The following GRIK4 variants were observed in gnomAD, a reference collection of about 807,000 sequenced individuals.
The protein encoded by GRIK4 is glutamate receptor ionotropic, kainate 4.
In GRIK4, 40 loss-of-function variants were observed where a neutral mutation model predicts 104.9. The observed-to-expected ratio is 0.38, with a 90% CI of 0.30 to 0.50. The LOEUF (loss-of-function observed/expected upper bound fraction) is 0.50. GRIK4 is among the 20% of genes least tolerant of loss of function. The pLI is 0.93. For synonymous variants in GRIK4, 485 were observed against 524.9 expected (o/e 0.92, Z 1.04); for missense variants, 1,047 against 1,308.1 (o/e 0.80, Z 3.08).
intron 4 of GRIK4, among the ~76,000 whole-genome samples, chr11:120,805,615 T>TA (rs1367636435): frequency 6.6e-6 from 1 of 152,202 alleles, no homozygotes; most frequent in African/African-American, 2.4e-5. Flanking sequence ...TAGCATTTGT[T>TA]AGGAAAGGGG....
In GRIK4 at chr11:120,762,511, T is replaced by C. The variant is rs562018139; in HGVS notation, c.83-40182T>C. ...GGAGTGGTGAGAGAGGGCATCCTTGTCTTGTGCTGGTTTTCAAAGGGAATG... is the reference window on the plus strand; with the variant it reads ...GGAGTGGTGAGAGAGGGCATCCTTGCCTTGTGCTGGTTTTCAAAGGGAATG... On this transcript the variant is annotated intron_variant, in intron 3 of 20. Coordinates refer to ENST00000527524, the MANE Select transcript of GRIK4 (RefSeq NM_014619.5). Among the ~76,000 whole-genome samples, 22 of 152,344 alleles carry C rather than the reference T, an allele frequency of 1.4e-4. No individual in the cohort carries two copies. The East Asian group carries it at 1.5e-3, about 11-fold the overall frequency.
chr11:120,525,990 A>G (rs1258717454), intron 1 of GRIK4, among the ~76,000 whole-genome samples: 1 of 152,194 alleles, frequency 6.6e-6, no homozygotes, highest in Non-Finnish European at 1.5e-5. Flanking sequence ...AGGGCTTCTT[A>G]AGTCTGAAGG....
chr11:120,751,785 C>T (rs559993337), intron 3 of GRIK4, among the ~76,000 whole-genome samples: 31 of 152,324 alleles, frequency 2.0e-4, no homozygotes, highest in Middle Eastern at 3.4e-3. Flanking sequence ...GCTGGGCTTC[C>T]GGGCTGGCTC....
chr11:120,953,674 A>G lies in GRIK4; in HGVS notation c.1700+710A>G, dbSNP rs1353509360. ...CAGGGGCTGCCCTGGCCCTTTGGAAAAACCTGAGGAGCAGCCTGAGGCTGT... is the reference window on the plus strand; with the variant it reads ...CAGGGGCTGCCCTGGCCCTTTGGAAGAACCTGAGGAGCAGCCTGAGGCTGT... On this transcript the variant is annotated intron_variant, in intron 15 of 20. Coordinates refer to ENST00000527524, the MANE Select transcript of GRIK4 (RefSeq NM_014619.5). The surrounding 1 kb of genome is among the most constrained non-coding windows in gnomAD (Gnocchi z 4.9). Among the ~76,000 whole-genome samples, 1 of 152,172 alleles carries G rather than the reference A, an allele frequency of 6.6e-6. No individual in the cohort carries two copies. The highest frequency in any genetic ancestry group is 1.5e-5 in the Non-Finnish European group (1 of 68,020).
intron 3 of GRIK4, among the ~76,000 whole-genome samples, chr11:120,791,494 T>C (rs554168045): frequency 2.0e-5 from 3 of 152,232 alleles, no homozygotes; most frequent in Non-Finnish European, 2.9e-5. Flanking sequence ...GTTCTTTACA[T>C]ATTCTGGATA....
intron 1 of GRIK4, among the ~76,000 whole-genome samples, chr11:120,569,445 A>G (rs1226583908): frequency 1.3e-5 from 2 of 152,240 alleles, no homozygotes; most frequent in Non-Finnish European, 2.9e-5. Context: ...TGGAACAGAT[A>G]CTATCATCCC....
chr11:120,927,391 AC>A (rs5795251), intron 13 of GRIK4, among the ~76,000 whole-genome samples: 105,300 of 151,748 alleles, frequency 0.69, 40,237 homozygotes, highest in East Asian at 0.99. Context: ...ACATGGCAAA[AC>A]CCCATCTCTA....
intron 1 of GRIK4, among the ~76,000 whole-genome samples, chr11:120,622,324 C>T (rs1949200036): frequency 6.6e-6 from 1 of 152,184 alleles, no homozygotes; most frequent in South Asian, 2.1e-4. Flanking sequence ...CAGACACAGA[C>T]AGGAGGCTTA....
chr11:120,652,062 C>T (rs1215641447), intron 1 of GRIK4, among the ~76,000 whole-genome samples: 2 of 152,192 alleles, frequency 1.3e-5, no homozygotes, highest in Non-Finnish European at 2.9e-5. Context: ...AGTTACACAA[C>T]CTCTCCGCCT....
Position 120,800,997 on chromosome 11 carries a change from T to G in GRIK4, c.83-1696T>G, listed in dbSNP as rs191040026. Among the ~76,000 whole-genome samples the G allele has an allele frequency of 3.3e-5, 5 of 152,336 alleles. No homozygotes were observed. In the East Asian group the frequency reaches 9.6e-4, roughly 29 times the overall value. On this transcript the variant is annotated intron_variant, in intron 3 of 20. Coordinates refer to ENST00000527524, the MANE Select transcript of GRIK4 (RefSeq NM_014619.5). The stretch of plus-strand genomic sequence containing the variant: ...TTTAAGTATATAATTCAGTGGTTTC[T>G]TTTTGTATATTCACAGAGTAGCACA...
intron 3 of GRIK4, among the ~76,000 whole-genome samples, chr11:120,692,857 G>C (rs1224934198): frequency 5.3e-5 from 8 of 152,068 alleles, no homozygotes; most frequent in Admixed American, 5.2e-4. Flanking sequence ...TCGGCCTCCT[G>C]AGTAGCTGGG....
In GRIK4 at chr11:120,862,111, T is replaced by C; in HGVS notation, c.897T>C (p.Thr299=). 2 of 1,613,800 alleles carry C rather than the reference T, an allele frequency of 1.2e-6. No individual in the cohort carries two copies. The highest frequency in any genetic ancestry group is 1.7e-4 in the Middle Eastern group (1 of 5,876). Residue 299 remains threonine (T), a synonymous_variant, in exon 9 of 21, where the codon ACT becomes ACC. Coordinates refer to ENST00000527524, the MANE Select transcript of GRIK4 (RefSeq NM_014619.5). ...AGAACTGTGACCATGTGCCCTTCAC[T>C]GGGCCTGCGGTAAGTACCCGCCAGA... ...WQENCDHVPF[T]GPALSSALLF... is the part of the protein sequence containing the mutation.
intron 1 of GRIK4, among the ~76,000 whole-genome samples, chr11:120,522,175 T>C (rs1337927044): frequency 6.6e-6 from 1 of 152,208 alleles, no homozygotes; most frequent in Non-Finnish European, 1.5e-5. Context: ...ATCGCTGAGT[T>C]GGGCAGCTGT....
At chr11:120,683,771 G>T (rs547240397) in intron 3 of GRIK4, among the ~76,000 whole-genome samples, 3 of 152,356 alleles carry the variant, frequency 2.0e-5, no homozygotes, top group Non-Finnish European at 4.4e-5. Flanking sequence ...AGAGTGGAAA[G>T]CTGTGAAGTT....
chr11:120,516,661 C>T (rs901903215), intron 1 of GRIK4, among the ~76,000 whole-genome samples: 3 of 151,834 alleles, frequency 2.0e-5, no homozygotes, highest in Non-Finnish European at 4.4e-5. Flanking sequence ...GACAGTGAGG[C>T]GAAAGGGGGG....
rs1232839460 is a variant in GRIK4, at chr11:120,607,758, C to T, written c.-158-45927C>T. ...CCAAAGCCACGGGCCCAGATTGTGTCACTTATAGTCACTTAAGAAGAGCAG... is the reference window on the plus strand; with the variant it reads ...CCAAAGCCACGGGCCCAGATTGTGTTACTTATAGTCACTTAAGAAGAGCAG... On this transcript the variant is annotated intron_variant, in intron 1 of 20. Coordinates refer to ENST00000527524, the MANE Select transcript of GRIK4 (RefSeq NM_014619.5). Among the ~76,000 whole-genome samples the T allele has an allele frequency of 3.9e-5, 6 of 151,986 alleles. No individual in the cohort carries two copies. In the East Asian group the frequency reaches 1.2e-3, roughly 29 times the overall value.
intron 13 of GRIK4, among the ~76,000 whole-genome samples, chr11:120,910,939 A>G (rs1942976806): frequency 6.6e-6 from 1 of 152,224 alleles, no homozygotes; most frequent in African/African-American, 2.4e-5. Flanking sequence ...AGAGAAGAAC[A>G]TGCCAGTGAG....
chr11:120,634,433 C>G (rs1198034139), intron 1 of GRIK4, among the ~76,000 whole-genome samples: 2 of 152,104 alleles, frequency 1.3e-5, no homozygotes, highest in Non-Finnish European at 2.9e-5. Context: ...TGCCATTTCC[C>G]AGGTTGAAAG....
chr11:120,784,694 C>T (rs1347212926), intron 3 of GRIK4, among the ~76,000 whole-genome samples: 1 of 152,002 alleles, frequency 6.6e-6, no homozygotes, highest in African/African-American at 2.4e-5. Context: ...GATGTTTGCC[C>T]AGGGGTGAGT....
Sources: gnomAD v4.1 joint callset for allele counts (sites outside exome capture counted in the v4.1 genomes callset) on GRCh38, gnomAD v4.1.1 for gene constraint, Gnocchi (gnomAD v3.1) non-coding constraint, MANE v1.5 for transcripts, NCBI Gene and HGNC (gene_info 2026-07-23, HGNC 2026-07-21) for gene names.